The following SLC28A3 variants were observed in gnomAD, a reference collection of about 807,000 sequenced individuals.
The protein encoded by SLC28A3 is solute carrier family 28 member 3.
In SLC28A3, 68 loss-of-function variants were observed where a neutral mutation model predicts 84.2. The observed-to-expected ratio is 0.81, with a 90% CI of 0.66 to 0.99. SLC28A3 has a LOEUF of 0.99. SLC28A3 is among the 50% of genes least tolerant of loss of function. The pLI, the probability that SLC28A3 is intolerant of heterozygous loss-of-function variation, is 0.00. For synonymous variants in SLC28A3, 267 were observed against 303.6 expected, an observed-to-expected ratio of 0.88 and a Z score of 1.25; for missense variants, 712 against 841.5, an observed-to-expected ratio of 0.85 and a Z score of 1.90.
chr9:84,289,861 A>ATT, intron 11 of SLC28A3: 2 of 229,158 alleles, frequency 8.7e-6, no homozygotes, highest in Non-Finnish European at 1.7e-5. Context: ...TGATGTAATA[A>ATT]TTTTTTTTTT....
chr9:84,290,065 C>G (rs1825150446), intron 11 of SLC28A3, 89 bp downstream of exon 11: 4 of 1,533,604 alleles, frequency 2.6e-6, no homozygotes, highest in Non-Finnish European at 3.5e-6. Flanking sequence ...CTCTTGGCCT[C>G]CTTTTTCCAC....
At chr9:84,336,095 T>C (rs1166962868) in intron 1 of SLC28A3, among the ~76,000 whole-genome samples, 1 of 5,528 alleles carries the variant, frequency 1.8e-4, no homozygotes, top group African/African-American at 7.3e-4. Context: ...CTGGTGCAGT[T>C]GGCTCACACC....
chr9:84,309,905 C>A (rs41307444), intron 2 of SLC28A3, among the ~76,000 whole-genome samples, 191 bp from the exon 3 acceptor site: 1 of 152,124 alleles, frequency 6.6e-6, no homozygotes, highest in Non-Finnish European at 1.5e-5. Flanking sequence ...ACAAAAAATG[C>A]CAGGTTCATA....
chr9:84,322,959 G>A (rs73649410), intron 1 of SLC28A3, among the ~76,000 whole-genome samples: 1,567 of 152,308 alleles, frequency 0.01, 27 homozygotes, highest in African/African-American at 0.035. Context: ...GTCCTTTGAT[G>A]AGGCAAGACA....
At chr9:84,322,497 C>T (rs2118513223) in intron 1 of SLC28A3, among the ~76,000 whole-genome samples, 1 of 152,306 alleles carries the variant, frequency 6.6e-6, no homozygotes, top group East Asian at 1.9e-4. Context: ...GACCATCAAG[C>T]TCTTCTTTCC....
chr9:84,278,151 T>A lies in SLC28A3; in HGVS notation c.*67A>T, dbSNP rs1824591467. On this transcript the variant is annotated 3_prime_UTR_variant, in exon 18 of 18. Coordinates refer to ENST00000376238, the MANE Select transcript of SLC28A3 (RefSeq NM_001199633.2). ...CAATCTGTGGACAATAGCTTCTTTTTTTTTTCTTTCCAAAGCAGAAAATTC... is the reference window on the plus strand; with the variant it reads ...CAATCTGTGGACAATAGCTTCTTTTATTTTTCTTTCCAAAGCAGAAAATTC... 3.2e-6 allele frequency: 5 copies of A among 1,542,086 alleles called. No homozygotes were observed.
At chr9:84,348,056 C>T in the SLC28A3 span, among the ~76,000 whole-genome samples, 2 of 152,088 alleles carry the variant, frequency 1.3e-5, no homozygotes, top group Non-Finnish European at 2.9e-5. Flanking sequence ...CTCTCTGGAC[C>T]AAGTGCAGGG....
At chr9:84,285,291 C>A (rs533570070) in intron 14 of SLC28A3, 54 bp downstream of exon 14, 39 of 1,544,818 alleles carry the variant, frequency 2.5e-5, no homozygotes, top group Non-Finnish European at 3.3e-5. Context: ...AAGTAATAGA[C>A]GAATGCAGGT....
intron 14 of SLC28A3, among the ~76,000 whole-genome samples, chr9:84,281,474 TA>T (rs879914009): frequency 2.6e-5 from 4 of 152,108 alleles, no homozygotes; most frequent in Non-Finnish European, 5.9e-5. Flanking sequence ...CCACTAAAAT[TA>T]AAAAATACAA....
the SLC28A3 span, among the ~76,000 whole-genome samples, chr9:84,366,985 C>A: frequency 6.6e-6 from 1 of 152,308 alleles, no homozygotes; most frequent in East Asian, 1.9e-4. Flanking sequence ...TCAGCAAGCT[C>A]CCCCAGGCCT....
At position 84,340,179 on chromosome 9, in the gene SLC28A3, G is replaced by A. The variant is rs572460996; in HGVS notation, c.60+395C>T. Reference sequence around the variant, plus strand: ...CAGGTACCGGGGCCATCTGACAGGGGCTCCAGGACTTGGCTTGAGTAAAAG... The same window carrying A: ...CAGGTACCGGGGCCATCTGACAGGGACTCCAGGACTTGGCTTGAGTAAAAG... On this transcript the variant is annotated intron_variant, in intron 1 of 17. Coordinates refer to ENST00000376238, the MANE Select transcript of SLC28A3 (RefSeq NM_001199633.2). 4.6e-5 allele frequency among the ~76,000 whole-genome samples: 7 copies of A among 152,246 alleles called. No individual in the cohort carries two copies. In the South Asian group the frequency reaches 1.5e-3, roughly 32 times the overall value.
chr9:84,349,774 A>G, the SLC28A3 span, among the ~76,000 whole-genome samples: 2,705 of 152,332 alleles, frequency 0.018, 36 homozygotes, highest in African/African-American at 0.021. Flanking sequence ...GATATGGGTT[A>G]TAGGAATGGC....
chr9:84,342,145 G>GAAAAAGA (rs10684482), upstream of SLC28A3, among the ~76,000 whole-genome samples: 7 of 128,470 alleles, frequency 5.4e-5, no homozygotes, highest in African/African-American at 1.6e-4. Context: ...AAAAAAAAAA[G>GAAAAAGA]AAAAGAAAAA....
At chr9:84,295,716 C>A (rs1825389640) in intron 8 of SLC28A3, among the ~76,000 whole-genome samples, 1 of 152,166 alleles carries the variant, frequency 6.6e-6, no homozygotes, top group Non-Finnish European at 1.5e-5. Context: ...TTCTACCCTG[C>A]ATAGACCACA....
At chr9:84,340,157 G>A (rs1053603388) in intron 1 of SLC28A3, among the ~76,000 whole-genome samples, 2 of 152,158 alleles carry the variant, frequency 1.3e-5, no homozygotes, top group African/African-American at 4.8e-5. Context: ...TCTGGGGCAG[G>A]TACCGGGGCC....
intron 1 of SLC28A3, among the ~76,000 whole-genome samples, chr9:84,324,298 A>G (rs1333187899): frequency 6.6e-6 from 1 of 152,188 alleles, no homozygotes; most frequent in East Asian, 1.9e-4. Flanking sequence ...ATGTTTCCGA[A>G]CAATGGAGTT....
chr9:84,304,532 G>T (rs2118333671), intron 4 of SLC28A3, among the ~76,000 whole-genome samples: 1 of 152,262 alleles, frequency 6.6e-6, no homozygotes, highest in African/African-American at 2.4e-5. Flanking sequence ...TTGTTTTGGA[G>T]GGAGTAAAAA....
chr9:84,335,903 T>C (rs17087130), intron 1 of SLC28A3, among the ~76,000 whole-genome samples: 4,245 of 152,234 alleles, frequency 0.028, 154 homozygotes, highest in East Asian at 0.097. Flanking sequence ...AATTTCATTG[T>C]GGAGGGGTCA....
At chr9:84,352,374 G>A in the SLC28A3 span, among the ~76,000 whole-genome samples, 1 of 151,690 alleles carries the variant, frequency 6.6e-6, no homozygotes, top group African/African-American at 2.4e-5. Flanking sequence ...TAGTAGAGAT[G>A]GGGTTTCACT....
Sources: gnomAD v4.1 joint callset for allele counts (sites outside exome capture counted in the v4.1 genomes callset) on GRCh38, gnomAD v4.1.1 for gene constraint, MANE v1.5 for transcripts, NCBI Gene and HGNC (gene_info 2026-07-23, HGNC 2026-07-21) for gene names.